Variants in GALNTL6 observed in about 807,000 individuals in gnomAD.
The protein encoded by GALNTL6 is polypeptide N-acetylgalactosaminyltransferase like 6, also known as polypeptide N-acetylgalactosaminyltransferase-like 6.
In GALNTL6, 46 loss-of-function variants were observed where a neutral mutation model predicts 73.7. The observed-to-expected ratio is 0.62, with a 90% confidence interval of 0.49 to 0.80. GALNTL6 has a LOEUF of 0.80. GALNTL6 is among the 30% of genes least tolerant of loss of function. The pLI is 0.00. For missense variants in GALNTL6, 604 were observed against 755.0 expected, an observed-to-expected ratio of 0.80 and a Z score of 2.34; for synonymous variants, 259 against 263.7, an observed-to-expected ratio of 0.98 and a Z score of 0.17.
chr4:172,655,443 C>T (rs770195954), intron 5 of GALNTL6, among the ~76,000 whole-genome samples: 1 of 152,120 alleles, frequency 6.6e-6, no homozygotes, highest in Non-Finnish European at 1.5e-5. Flanking sequence ...CTATTATAAG[C>T]CCTGTACCTG....
At chr4:171,988,698 G>A (rs538869075) in intron 2 of GALNTL6, among the ~76,000 whole-genome samples, 4 of 152,276 alleles carry the variant, frequency 2.6e-5, no homozygotes, top group Admixed American at 2.6e-4. Context: ...AGAGTGTATA[G>A]GCTTTAAAAG....
chr4:171,976,774 T>G (rs920497130), intron 2 of GALNTL6, among the ~76,000 whole-genome samples: 1 of 152,120 alleles, frequency 6.6e-6, no homozygotes, highest in Admixed American at 6.6e-5. Context: ...CATGAGTGAA[T>G]GAAAGGTTTG....
At chr4:172,567,260 A>C (rs1531052) in intron 5 of GALNTL6, among the ~76,000 whole-genome samples, 73,479 of 151,698 alleles carry the variant, frequency 0.48, 19,552 homozygotes, top group East Asian at 0.68. Context: ...TGTGAGAGGC[A>C]TGCAAATATC....
chr4:172,146,561 T>A (rs1320322915), intron 2 of GALNTL6, among the ~76,000 whole-genome samples: 1 of 152,192 alleles, frequency 6.6e-6, no homozygotes, highest in African/African-American at 2.4e-5. Flanking sequence ...GCATGGTAAA[T>A]GTATTATTCA....
intron 8 of GALNTL6, among the ~76,000 whole-genome samples, chr4:172,911,688 G>A (rs1747210435): frequency 6.6e-6 from 1 of 152,148 alleles, no homozygotes; most frequent in Admixed American, 6.5e-5. Context: ...TGTCTCACCA[G>A]CCAGTCTGAG....
intron 5 of GALNTL6, among the ~76,000 whole-genome samples, chr4:172,462,236 G>A (rs766172853): frequency 6.8e-4 from 103 of 152,104 alleles, no homozygotes; most frequent in Non-Finnish European, 1.4e-3. Flanking sequence ...ATCCATGTGA[G>A]CTAATTCCCT....
chr4:172,343,996 T>C (rs1424850310), intron 4 of GALNTL6, among the ~76,000 whole-genome samples: 1 of 152,178 alleles, frequency 6.6e-6, no homozygotes, highest in East Asian at 1.9e-4. Flanking sequence ...CAAATGCTTA[T>C]CTGAAAATAA....
chr4:173,039,829 A>G (rs895036974), intron 12 of GALNTL6, 104 bp from the exon 13 acceptor site: 9 of 852,432 alleles, frequency 1.1e-5, no homozygotes, highest in Admixed American at 2.9e-5. Context: ...CACAATAAAT[A>G]TATACTGAAA....
chr4:171,830,425 A>AAT (rs1734936642), intron 2 of GALNTL6, among the ~76,000 whole-genome samples: 1 of 152,292 alleles, frequency 6.6e-6, no homozygotes, highest in East Asian at 1.9e-4. Context: ...GTACTTGATA[A>AAT]ATATTTCTTG....
At chr4:172,753,362 G>C (rs906492407) in intron 5 of GALNTL6, among the ~76,000 whole-genome samples, 12 of 152,106 alleles carry the variant, frequency 7.9e-5, no homozygotes, top group Non-Finnish European at 1.8e-4. Flanking sequence ...AGCAGCATGA[G>C]AACAGACTAA....
At chr4:171,889,444 A>C (rs980390327) in intron 2 of GALNTL6, among the ~76,000 whole-genome samples, 1 of 152,050 alleles carries the variant, frequency 6.6e-6, no homozygotes, top group African/African-American at 2.4e-5. Flanking sequence ...ACTTAAAAGG[A>C]TAGCAAAGAA....
chr4:172,207,036 C>G (rs1000073639), intron 2 of GALNTL6, among the ~76,000 whole-genome samples: 2 of 151,264 alleles, frequency 1.3e-5, no homozygotes, highest in East Asian at 2.0e-4. Flanking sequence ...CCAGGATGAT[C>G]TCAATCTCCT....
At chr4:172,415,371 C>A (rs536245565) in intron 5 of GALNTL6, among the ~76,000 whole-genome samples, 1 of 152,278 alleles carries the variant, frequency 6.6e-6, no homozygotes, top group East Asian at 1.9e-4. Flanking sequence ...TCTTCATATT[C>A]TATGTCCAGC....
At position 172,235,727 on chromosome 4, in the gene GALNTL6, T is replaced by C. The variant is rs935383838; in HGVS notation, c.247+5963T>C. ...CATGATGCTGAGGCCTGGGGTGTGATTGAACCTGTTACTCCAGTTCTCAGC... is the reference window on the plus strand; with the variant it reads ...CATGATGCTGAGGCCTGGGGTGTGACTGAACCTGTTACTCCAGTTCTCAGC... On this transcript the variant is annotated intron_variant, in intron 3 of 12. Transcript: ENST00000506823. 4.6e-5 allele frequency among the ~76,000 whole-genome samples: 7 copies of C among 152,226 alleles called. No homozygotes were observed. The South Asian group carries it at 6.2e-4, about 14-fold the overall frequency.
intron 5 of GALNTL6, among the ~76,000 whole-genome samples, chr4:172,640,092 C>G (rs1431166904): frequency 6.6e-6 from 1 of 152,076 alleles, no homozygotes; most frequent in Non-Finnish European, 1.5e-5. Context: ...TCTATTCACT[C>G]AAATCTATTT....
Position 172,809,469 on chromosome 4 carries a change from C to G in GALNTL6, c.662C>G (p.Ser221Cys). Reference protein sequence around the residue: ...GLIRTRLLGASMARGEVLTFL... With the variant: ...GLIRTRLLGACMARGEVLTFL... ...ATCCGGACCCGTCTCCTGGGGGCATCTATGGCCAGAGGAGAAGTCCTGACA... is the reference window on the plus strand; with the variant it reads ...ATCCGGACCCGTCTCCTGGGGGCATGTATGGCCAGAGGAGAAGTCCTGACA... The change falls in exon 6 of 13, where the codon TCT (serine) becomes TGT (cysteine). Residue 221 changes from serine to cysteine, a missense_variant. Transcript: ENST00000506823. This position sits in a 1 kb window ranked among gnomAD's most constrained non-coding sequence, Gnocchi z 4.4. 6.2e-7 allele frequency: 1 copy of G among 1,613,828 alleles called. No homozygotes were observed. The highest frequency in any genetic ancestry group is 1.1e-5 in the South Asian group (1 of 91,038).
intron 2 of GALNTL6, among the ~76,000 whole-genome samples, chr4:172,001,600 C>T (rs1740673894): frequency 6.6e-6 from 1 of 152,050 alleles, no homozygotes; most frequent in Admixed American, 6.6e-5. Context: ...CTAGAGGATA[C>T]TGTTAATGGT....
At chr4:172,900,310 A>G (rs1001364021) in intron 8 of GALNTL6, among the ~76,000 whole-genome samples, 6 of 152,168 alleles carry the variant, frequency 3.9e-5, no homozygotes, top group Admixed American at 3.3e-4. Context: ...AAATTACCCA[A>G]CGTCACTTAG....
chr4:172,064,509 G>A (rs898855862), intron 2 of GALNTL6, among the ~76,000 whole-genome samples: 5 of 152,188 alleles, frequency 3.3e-5, no homozygotes, highest in Admixed American at 2.6e-4. Flanking sequence ...GGCAGGAGGA[G>A]GTTAGTGGAG....
Sources: allele counts gnomAD v4.1 joint callset (sites outside exome capture counted in the v4.1 genomes callset), GRCh38; gene constraint gnomAD v4.1.1; non-coding constraint Gnocchi (gnomAD v3.1); transcripts MANE v1.5; gene names NCBI Gene and HGNC (gene_info 2026-07-23, HGNC 2026-07-21).